Variants in XRCC4 observed in about 807,000 individuals in gnomAD.
XRCC4 encodes the protein X-ray repair cross complementing 4.
In XRCC4, 28 loss-of-function variants were observed where a neutral mutation model predicts 39.1. That is an observed-to-expected ratio of 0.72 (90% CI 0.53 to 0.98). XRCC4 has a LOEUF of 0.98. Among genes scored for constraint, XRCC4 ranks in the 50% least tolerant of loss-of-function variants. The pLI, the probability that XRCC4 is intolerant of heterozygous loss-of-function variation, is 0.00. For synonymous variants in XRCC4, 123 were observed against 126.4 expected (o/e 0.97, Z 0.18); for missense variants, 350 against 376.4 (o/e 0.93, Z 0.58).
chr5:83,350,345 C>T (rs1017004249), intron 7 of XRCC4, among the ~76,000 whole-genome samples: 1 of 152,300 alleles, frequency 6.6e-6, no homozygotes, highest in African/African-American at 2.4e-5. Flanking sequence ...CTCCAAACTA[C>T]TTTCCACTGT....
At chr5:83,194,932 G>GT (rs1750874992) in intron 3 of XRCC4, among the ~76,000 whole-genome samples, 1 of 152,110 alleles carries the variant, frequency 6.6e-6, no homozygotes, top group Non-Finnish European at 1.5e-5. Flanking sequence ...ATTTATCCTA[G>GT]TTTATATTTT....
At chr5:83,192,702 C>CT (rs759504525) in intron 3 of XRCC4, among the ~76,000 whole-genome samples, 18 of 152,102 alleles carry the variant, frequency 1.2e-4, no homozygotes, top group Non-Finnish European at 2.5e-4. Flanking sequence ...TATAGATAGA[C>CT]TGAGGTTCTT....
chr5:83,277,677 T>C (rs1278382841), intron 7 of XRCC4, among the ~76,000 whole-genome samples: 1 of 152,212 alleles, frequency 6.6e-6, no homozygotes, highest in Non-Finnish European at 1.5e-5. Context: ...TACCATGAAG[T>C]GAATATTGAC....
intron 7 of XRCC4, among the ~76,000 whole-genome samples, chr5:83,309,272 A>ATAT (rs1755601957): frequency 9.7e-6 from 1 of 102,608 alleles, no homozygotes; most frequent in African/African-American, 6.5e-5. Context: ...GTCTCAAAAA[A>ATAT]AAAAAAAAAA....
chr5:83,129,350 C>A (rs1338340427), intron 3 of XRCC4, among the ~76,000 whole-genome samples: 3 of 151,734 alleles, frequency 2.0e-5, no homozygotes, highest in Non-Finnish European at 4.4e-5. Flanking sequence ...TGTTTTGGTA[C>A]CAGTACCATG....
intron 6 of XRCC4, among the ~76,000 whole-genome samples, chr5:83,209,820 T>C (rs1283476959): frequency 3.3e-5 from 5 of 152,152 alleles, no homozygotes; most frequent in African/African-American, 9.7e-5. Context: ...AATGTTTCAC[T>C]CTTTTTAGCT....
intron 3 of XRCC4, among the ~76,000 whole-genome samples, chr5:83,139,905 C>T (rs1443778536): frequency 6.6e-6 from 1 of 152,182 alleles, no homozygotes; most frequent in East Asian, 1.9e-4. Context: ...GTTGTATACT[C>T]ATACATATAC....
chr5:83,316,097 C>A (rs1367582226), intron 7 of XRCC4, among the ~76,000 whole-genome samples: 1 of 152,030 alleles, frequency 6.6e-6, no homozygotes, highest in African/African-American at 2.4e-5. Flanking sequence ...TGATTCCAAT[C>A]CTTGTGGATG....
chr5:83,164,030 A>G (rs16900203), intron 3 of XRCC4, among the ~76,000 whole-genome samples: 3,876 of 152,298 alleles, frequency 0.025, 66 homozygotes, highest in East Asian at 0.072. Flanking sequence ...AAGAACTGCT[A>G]TAGTAGAGGG....
intron 6 of XRCC4, among the ~76,000 whole-genome samples, chr5:83,223,194 G>A (rs1365543076): frequency 1.3e-5 from 2 of 152,046 alleles, no homozygotes; most frequent in Non-Finnish European, 2.9e-5. Context: ...AGTCTATTTG[G>A]TCTAAAATGT....
At chr5:83,081,795 C>G (rs190270290) in intron 1 of XRCC4, among the ~76,000 whole-genome samples, 128 of 152,330 alleles carry the variant, frequency 8.4e-4, no homozygotes, top group Non-Finnish European at 1.4e-3. Flanking sequence ...CAAAAATCCT[C>G]TAAAGAGTTT....
intron 7 of XRCC4, among the ~76,000 whole-genome samples, chr5:83,289,110 T>A (rs1169504528): frequency 6.6e-6 from 1 of 151,882 alleles, no homozygotes; most frequent in African/African-American, 2.4e-5. Flanking sequence ...ATTTCTAGCA[T>A]TTCATTTTGA....
chr5:83,215,766 A>G (rs996552123), intron 6 of XRCC4, among the ~76,000 whole-genome samples: 22 of 152,182 alleles, frequency 1.4e-4, no homozygotes, highest in African/African-American at 5.1e-4. Context: ...ACAATTGGGT[A>G]TCGACTTGAA....
chr5:83,083,834 C>T (rs1745067228), intron 1 of XRCC4, among the ~76,000 whole-genome samples: 1 of 152,110 alleles, frequency 6.6e-6, no homozygotes, highest in Admixed American at 6.6e-5. Flanking sequence ...ATCTTTCTTC[C>T]TCTACCCCTA....
chr5:83,112,415 C>T (rs1035407859), intron 3 of XRCC4, among the ~76,000 whole-genome samples: 6 of 152,186 alleles, frequency 3.9e-5, no homozygotes, highest in Non-Finnish European at 7.3e-5. Flanking sequence ...TAACAACTAG[C>T]ATTATTTTGT....
chr5:83,309,533 G>A (rs1424443444), intron 7 of XRCC4, among the ~76,000 whole-genome samples: 2 of 150,606 alleles, frequency 1.3e-5, no homozygotes, highest in East Asian at 3.9e-4. Context: ...AGGCCAAGGC[G>A]GGTGGATCAC....
chr5:83,218,528 T>C (rs1264594788), intron 6 of XRCC4, among the ~76,000 whole-genome samples: 1 of 152,052 alleles, frequency 6.6e-6, no homozygotes, highest in Non-Finnish European at 1.5e-5. Flanking sequence ...GATACAGTTT[T>C]AAAATGTAGC....
In XRCC4 at chr5:83,175,367, C is replaced by T. The variant is rs575598400; in HGVS notation, c.316-20403C>T. 2.0e-5 allele frequency among the ~76,000 whole-genome samples: 3 copies of T among 152,028 alleles called. No individual in the cohort carries two copies. The South Asian group carries it at 6.2e-4, about 32-fold the overall frequency. On this transcript the variant is annotated intron_variant, in intron 3 of 7. Coordinates refer to ENST00000396027, the MANE Select transcript of XRCC4 (RefSeq NM_003401.5). ...ACTAAAATGATAAAGACCTTTACATCCCATAATAGGAATATCTGGAAAAAA... is the reference window on the plus strand; with the variant it reads ...ACTAAAATGATAAAGACCTTTACATTCCATAATAGGAATATCTGGAAAAAA...
chr5:83,283,901 T>C (rs1754639690), intron 7 of XRCC4, among the ~76,000 whole-genome samples: 1 of 152,004 alleles, frequency 6.6e-6, no homozygotes, highest in African/African-American at 2.4e-5. Flanking sequence ...ATGGTTTCTT[T>C]CGCATTTTAA....
Sources: gnomAD v4.1 joint callset for allele counts (sites outside exome capture counted in the v4.1 genomes callset) on GRCh38, gnomAD v4.1.1 for gene constraint, MANE v1.5 for transcripts, NCBI Gene and HGNC (gene_info 2026-07-23, HGNC 2026-07-21) for gene names.